ZDHHC3: variants seen among roughly 807,000 people sequenced by gnomAD.
The protein encoded by ZDHHC3 is palmitoyltransferase ZDHHC3.
In ZDHHC3, 9 loss-of-function variants were observed where a neutral mutation model predicts 30.6. The observed-to-expected ratio is 0.29, with a 90% CI of 0.18 to 0.51. The LOEUF (loss-of-function observed/expected upper bound fraction) is 0.51. ZDHHC3 is among the 20% of genes least tolerant of loss of function. The probability of loss-of-function intolerance (pLI) is 0.97; values close to 1 mark genes in which losing one functional copy is unlikely to be tolerated. For synonymous variants in ZDHHC3, 136 were observed against 140.2 expected (o/e 0.97, Z 0.21); for missense variants, 246 against 384.2 (o/e 0.64, Z 3.01).
chr3:44,932,096 T>C (rs1575796881), intron 5 of ZDHHC3, among the ~76,000 whole-genome samples: 1 of 152,260 alleles, frequency 6.6e-6, no homozygotes, highest in East Asian at 1.9e-4. Flanking sequence ...ATATCCTAAT[T>C]GGACTCCCTT....
Position 44,926,690 on chromosome 3 carries a change from C to T in ZDHHC3, c.899G>A (p.Ter300=). 6.3e-7 allele frequency: 1 copy of T among 1,599,302 alleles called. No individual in the cohort carries two copies. The highest frequency in any genetic ancestry group is 1.1e-5 in the South Asian group (1 of 88,540). The change falls in exon 7 of 7, where the codon TGA becomes TAA. Residue 300 remains the stop codon, a stop_retained_variant. Coordinates refer to ENST00000424952, the MANE Select transcript of ZDHHC3 (RefSeq NM_001135179.2). ...AGTGGCCATGCCGGTCGGGGTCCTT[C>T]AGACCACATACTGGTACGGGTCTGC... ...GKADPYQYVV[*]
intron 3 of ZDHHC3, among the ~76,000 whole-genome samples, chr3:44,943,371 CG>C (rs1702613148): frequency 6.6e-6 from 1 of 152,126 alleles, no homozygotes; most frequent in African/African-American, 2.4e-5. Context: ...GCAGCAATCC[CG>C]ATTTCCAGGG....
chr3:44,958,516 C>A, intron 2 of ZDHHC3: 1 of 1,319,318 alleles, frequency 7.6e-7, no homozygotes, highest in Non-Finnish European at 1.1e-6. Context: ...CATTCAATAG[C>A]CACGTGCGCA....
chr3:44,949,997 A>G (rs925688903), intron 2 of ZDHHC3, among the ~76,000 whole-genome samples: 1 of 152,094 alleles, frequency 6.6e-6, no homozygotes, highest in Non-Finnish European at 1.5e-5. Context: ...CACCATGTCC[A>G]GCTAATTACA....
At chr3:44,975,768 T>TCACACACA (rs1392636735) in intron 1 of ZDHHC3, among the ~76,000 whole-genome samples, 165 bp downstream of exon 1, 89 of 140,868 alleles carry the variant, frequency 6.3e-4, no homozygotes, top group African/African-American at 2.0e-3. Flanking sequence ...TCTCTCTCTC[T>TCACACACA]CTCTCACACA....
At chr3:44,975,772 TCACA>T (rs1185484134) in intron 1 of ZDHHC3, among the ~76,000 whole-genome samples, 157 bp downstream of exon 1, 83 of 116,762 alleles carry the variant, frequency 7.1e-4, no homozygotes, top group Non-Finnish European at 1.3e-3. Context: ...TCTCTCTCTC[TCACA>T]CACACACACA....
At chr3:44,963,586 C>T (rs1409707980) in intron 1 of ZDHHC3, among the ~76,000 whole-genome samples, 1 of 152,088 alleles carries the variant, frequency 6.6e-6, no homozygotes, top group Non-Finnish European at 1.5e-5. Context: ...AATATGGACC[C>T]CCTTTTCCTT....
rs1182673908 is a variant in ZDHHC3, at chr3:44,922,006, G to A, written c.*4683C>T. 3.0e-6 allele frequency: 3 copies of A among 985,280 alleles called. No individual in the cohort carries two copies. The highest frequency in any genetic ancestry group is 3.6e-6 in the Non-Finnish European group (3 of 829,938). 61.0% of individuals were successfully genotyped at this position (985,280 alleles called of 1,614,324 possible). On this transcript the variant is annotated 3_prime_UTR_variant, in exon 7 of 7. Coordinates refer to ENST00000424952, the MANE Select transcript of ZDHHC3 (RefSeq NM_001135179.2). ...GGCCCAACAGAGCGGGATCCCTGGG[G>A]GCCACTCTGCTTTGCTACGGCAATC...
intron 1 of ZDHHC3, among the ~76,000 whole-genome samples, chr3:44,962,495 A>AGAAGGAAGGAAGGAAGGAAGGAAGGAAG (rs60365987): frequency 3.3e-4 from 37 of 112,294 alleles, no homozygotes; most frequent in East Asian, 1.1e-3. Flanking sequence ...AAAGGGAGAG[A>AGAAGGAAGGAAGGAAGGAAGGAAGGAAG]GAAGGAAGGA....
At position 44,933,896 on chromosome 3, in the gene ZDHHC3, G is replaced by A; in HGVS notation, c.520C>T (p.Leu174=). The change falls in exon 4 of 7, where the codon CTG becomes TTG. Residue 174 remains leucine, a synonymous_variant. Coordinates refer to ENST00000424952, the MANE Select transcript of ZDHHC3 (RefSeq NM_001135179.2). ...TTTGCAAGCTGACTTACTGTAAACAGGACGAAGTACTTCTGGTTGTTCTCG... is the reference window on the plus strand; with the variant it reads ...TTTGCAAGCTGACTTACTGTAAACAAGACGAAGTACTTCTGGTTGTTCTCG... The part of the protein sequence containing the change: ...VGENNQKYFV[L]FTMYIALISL... 1 of 1,614,152 alleles carries A rather than the reference G, an allele frequency of 6.2e-7. No individual in the cohort carries two copies. Among genetic ancestry groups the A allele is most frequent in the East Asian group, 2.2e-5 (1 of 44,872 alleles).
intron 1 of ZDHHC3, among the ~76,000 whole-genome samples, chr3:44,967,022 C>CTA (rs969139892): frequency 6.6e-6 from 1 of 152,170 alleles, no homozygotes; most frequent in African/African-American, 2.4e-5. Context: ...GTTTCTCTCT[C>CTA]TATAGCAGGG....
chr3:44,923,912 GC>G lies in ZDHHC3; in HGVS notation c.*2776del. The G allele has an allele frequency of 1.0e-6, 1 of 985,436 alleles. No individual in the cohort carries two copies. The highest frequency in any genetic ancestry group is 4.7e-5 in the South Asian group (1 of 21,284). The allele number at this position is 985,436 out of a possible 1,614,324, so 61.0% of individuals were successfully genotyped here. Reference sequence around the variant, plus strand: ...TGTTTTGTGTACATGATATTACCAAGCCCATGCAAATATGCATAGATTATAG... The same window carrying G: ...TGTTTTGTGTACATGATATTACCAAGCCATGCAAATATGCATAGATTATAG... On this transcript the variant is annotated 3_prime_UTR_variant, in exon 7 of 7. Transcript: ENST00000424952.
chr3:44,921,474 C>T lies in ZDHHC3; in HGVS notation c.*5215G>A. On this transcript the variant is annotated 3_prime_UTR_variant, in exon 7 of 7. Transcript: ENST00000424952. Reference sequence around the variant, plus strand: ...TTCCAGAACACATATACACACAACTCCCTAAGCTTCATAAAACAATACTTA... The same window carrying T: ...TTCCAGAACACATATACACACAACTTCCTAAGCTTCATAAAACAATACTTA... 1 of 985,446 alleles carries T rather than the reference C, an allele frequency of 1.0e-6. No homozygotes were observed. The highest frequency in any genetic ancestry group is 1.2e-6 in the Non-Finnish European group (1 of 829,934). 61.0% of individuals were successfully genotyped at this position (985,446 alleles called of 1,614,324 possible).
intron 2 of ZDHHC3, among the ~76,000 whole-genome samples, chr3:44,947,291 G>A (rs1345140212): frequency 1.3e-5 from 2 of 152,188 alleles, no homozygotes; most frequent in African/African-American, 4.8e-5. Flanking sequence ...GGGACACCCA[G>A]GAAGGTAGCT....
At chr3:44,935,370 A>G (rs1319774226) in intron 3 of ZDHHC3, among the ~76,000 whole-genome samples, 3 of 152,192 alleles carry the variant, frequency 2.0e-5, no homozygotes, top group African/African-American at 7.2e-5. Context: ...CCCGGGTTCC[A>G]GCAATCCTTC....
rs985879620 is a variant in ZDHHC3, at chr3:44,921,519, T to G, written c.*5170A>C. 2.0e-6 allele frequency: 2 copies of G among 985,428 alleles called. No homozygotes were observed. Among genetic ancestry groups the G allele is most frequent in the Non-Finnish European group, 2.4e-6 (2 of 829,922 alleles). The allele number at this position is 985,428 out of a possible 1,614,324, so 61.0% of individuals were successfully genotyped here. On this transcript the variant is annotated 3_prime_UTR_variant, in exon 7 of 7. Coordinates refer to ENST00000424952, the MANE Select transcript of ZDHHC3 (RefSeq NM_001135179.2). ...TACTTATCCTGCAATATGTAATGCATTAAACATTTTTCTTGAAAAACATGC... is the reference window on the plus strand; with the variant it reads ...TACTTATCCTGCAATATGTAATGCAGTAAACATTTTTCTTGAAAAACATGC...
chr3:44,921,263 A>G lies in ZDHHC3; in HGVS notation c.*5426T>C. 1 of 985,406 alleles carries G rather than the reference A, an allele frequency of 1.0e-6. No individual in the cohort carries two copies. The highest frequency in any genetic ancestry group is 5.2e-4 in the Middle Eastern group (1 of 1,914). The allele number at this position is 985,406 out of a possible 1,614,324, so 61.0% of individuals were successfully genotyped here. On this transcript the variant is annotated 3_prime_UTR_variant, in exon 7 of 7. Coordinates refer to ENST00000424952, the MANE Select transcript of ZDHHC3 (RefSeq NM_001135179.2). ...AGTCTGTGCAGAACAGACTCAGCTGAGCCCCACAGAACGAGAACAGGCTGT... is the reference window on the plus strand; with the variant it reads ...AGTCTGTGCAGAACAGACTCAGCTGGGCCCCACAGAACGAGAACAGGCTGT...
chr3:44,923,959 T>C lies in ZDHHC3; in HGVS notation c.*2730A>G. ...TATAGATTTGCTTGGATCTAAGCCT[T>C]TTGCATATTCAGTCTAGTTGCTATG... On this transcript the variant is annotated 3_prime_UTR_variant, in exon 7 of 7. Transcript: ENST00000424952. 1 of 985,436 alleles carries C rather than the reference T, an allele frequency of 1.0e-6. No homozygotes were observed. The highest frequency in any genetic ancestry group is 1.1e-4 in the East Asian group (1 of 8,822). 61.0% of individuals were successfully genotyped at this position (985,436 alleles called of 1,614,324 possible).
At chr3:44,936,859 T>A (rs1207642468) in intron 3 of ZDHHC3, among the ~76,000 whole-genome samples, 1 of 143,032 alleles carries the variant, frequency 7.0e-6, no homozygotes, top group East Asian at 2.1e-4. Context: ...CCCCCGAACA[T>A]AAAATAAAAG....
Sources: gnomAD v4.1 joint callset for allele counts (sites outside exome capture counted in the v4.1 genomes callset) on GRCh38, gnomAD v4.1.1 for gene constraint, MANE v1.5 for transcripts, NCBI Gene and HGNC (gene_info 2026-07-23, HGNC 2026-07-21) for gene names.